FAM174C: variants seen among roughly 807,000 people sequenced by gnomAD.
FAM174C encodes family with sequence similarity 174 member C.
FAM174C carries 19 observed loss-of-function variants against 12.3 expected under a neutral mutation model. The observed-to-expected ratio is 1.55, with a 90% CI of 1.08 to 2.27. The LOEUF (loss-of-function observed/expected upper bound fraction) is 2.27. Among genes scored for constraint, FAM174C ranks in the 30% most tolerant of loss-of-function variants. The pLI is 0.00. For synonymous variants in FAM174C, 147 were observed against 103.5 expected (o/e 1.42, Z -2.55); for missense variants, 239 against 190.2 (o/e 1.26, Z -1.51).
At position 1,277,159 on chromosome 19, in the gene FAM174C, G is replaced by C. The variant is rs1158921319; in HGVS notation, c.282-24G>C. The C allele has an allele frequency of 2.0e-6, 3 of 1,526,796 alleles. No homozygotes were observed. The African/African-American group carries it at 4.1e-5, about 21-fold the overall frequency. The allele number at this position is 1,526,796 out of a possible 1,614,324, so 94.6% of individuals were successfully genotyped here. A position where few individuals can be genotyped will look rare whatever the true frequency, so the allele number is the denominator to read the frequency against. On this transcript the variant is annotated intron_variant, in intron 1 of 2. Transcript: ENST00000409293. ...GCAGGGTTGGCGGGGAGGGGCCACT[G>C]ACTATGCCTGGACCTACTTCCAGGT...
At chr19:1,276,997 C>T (rs1003366290) in intron 1 of FAM174C, 186 bp from the exon 2 acceptor site, 2 of 930,252 alleles carry the variant, frequency 2.1e-6, no homozygotes, top group Non-Finnish European at 3.0e-6. Context: ...TTCTTACTGT[C>T]ATCGCCATGG....
In FAM174C at chr19:1,278,865, C is replaced by T. The variant is rs1376747044; in HGVS notation, c.*88C>T. On this transcript the variant is annotated 3_prime_UTR_variant, in exon 3 of 3. Transcript: ENST00000409293. ...CCCAGTGCCCAGCAACCCCCTGCTC[C>T]ACCGCTCATTCCCCTGCTGGCCCCG... 4 of 1,612,946 alleles carry T rather than the reference C, an allele frequency of 2.5e-6. No individual in the cohort carries two copies. Among genetic ancestry groups the T allele is most frequent in the South Asian group, 1.1e-5 (1 of 91,086 alleles).
At chr19:1,278,646 G>C in intron 2 of FAM174C, 131 bp from the exon 3 acceptor site, 1 of 1,499,604 alleles carries the variant, frequency 6.7e-7, no homozygotes, top group Non-Finnish European at 8.9e-7. Context: ...GAGGCCAGTG[G>C]GGGGAGGCTG....
chr19:1,279,209 A>G lies in FAM174C; in HGVS notation c.*432A>G. 1 of 1,608,270 alleles carries G rather than the reference A, an allele frequency of 6.2e-7. No homozygotes were observed. The highest frequency in any genetic ancestry group is 8.5e-7 in the Non-Finnish European group (1 of 1,177,260). On this transcript the variant is annotated 3_prime_UTR_variant, in exon 3 of 3. Transcript: ENST00000409293. ...CCTTCTCGCCGGGCTGGGAACAATA[A>G]ATGCAGCCATGTCTCTGCAGCTGGT... is the stretch of plus-strand genomic sequence containing the variant.
chr19:1,277,395 C>A, intron 2 of FAM174C, 96 bp downstream of exon 2: 1 of 1,465,796 alleles, frequency 6.8e-7, no homozygotes, highest in East Asian at 2.6e-5. Context: ...GGAGTGGTCC[C>A]TGCAATCACA....
Position 1,275,632 on chromosome 19 carries a change from A to G in FAM174C, c.83A>G (p.Glu28Gly). ...GCGGCGCTGCCGTGCGGTGCCGAAG[A>G]GGCCTCGCCGCTGCGCCCCGCGCAG... Reference protein sequence around the residue: ...LLAALPCGAEEASPLRPAQVT... With the variant: ...LLAALPCGAEGASPLRPAQVT... The change falls in exon 1 of 3, where the codon GAG (glutamate) becomes GGG (glycine). Residue 28 changes from glutamate (E) to glycine (G), a missense_variant. Coordinates refer to ENST00000409293, the MANE Select transcript of FAM174C (RefSeq NM_017914.4). The G allele has an allele frequency of 7.3e-7, 1 of 1,363,754 alleles. No homozygotes were observed. The highest frequency in any genetic ancestry group is 9.4e-7 in the Non-Finnish European group (1 of 1,067,928). The allele number at this position is 1,363,754 out of a possible 1,614,324, so 84.5% of individuals were successfully genotyped here.
intron 1 of FAM174C, 122 bp from the exon 2 acceptor site, chr19:1,277,061 A>C: frequency 7.2e-7 from 1 of 1,387,820 alleles, no homozygotes; most frequent in East Asian, 2.6e-5. Context: ...GGCACAGCAA[A>C]ACCAGGGAGG....
intron 1 of FAM174C, chr19:1,276,055 G>T (rs973691532): frequency 1.7e-5 from 9 of 532,058 alleles, no homozygotes; most frequent in African/African-American, 4.1e-5. Context: ...GGTTGGAGGT[G>T]CCCAGCGCGC....
chr19:1,278,878 C>T lies in FAM174C; in HGVS notation c.*101C>T. The T allele has an allele frequency of 6.2e-7, 1 of 1,613,102 alleles. No individual in the cohort carries two copies. Among genetic ancestry groups the T allele is most frequent in the African/African-American group, 1.3e-5 (1 of 75,050 alleles). ...AACCCCCTGCTCCACCGCTCATTCCCCTGCTGGCCCCGGGGCTGGTCTCAC... is the reference window on the plus strand; with the variant it reads ...AACCCCCTGCTCCACCGCTCATTCCTCTGCTGGCCCCGGGGCTGGTCTCAC... On this transcript the variant is annotated 3_prime_UTR_variant, in exon 3 of 3. Transcript: ENST00000409293.
chr19:1,275,647 GCCCC>G lies in FAM174C; in HGVS notation c.99_102del (p.Pro34ArgfsTer11). 7.1e-7 allele frequency: 1 copy of G among 1,399,864 alleles called. No individual in the cohort carries two copies. Among genetic ancestry groups the G allele is most frequent in the Non-Finnish European group, 9.2e-7 (1 of 1,090,218 alleles). 86.7% of individuals were successfully genotyped at this position (1,399,864 alleles called of 1,614,324 possible). A position where few individuals can be genotyped will look rare whatever the true frequency, so the allele number is the denominator to read the frequency against. ...GGTGCCGAAGAGGCCTCGCCGCTGCGCCCCGCGCAGGTCACGTTGTCGCCGCCGC... is the reference window on the plus strand; with the variant it reads ...GGTGCCGAAGAGGCCTCGCCGCTGCGGCGCAGGTCACGTTGTCGCCGCCGC... On this transcript the variant is annotated frameshift_variant, in exon 1 of 3. Coordinates refer to ENST00000409293, the MANE Select transcript of FAM174C (RefSeq NM_017914.4). LOFTEE classifies it high-confidence loss of function.
At chr19:1,277,451 C>T (rs1243443144) in intron 2 of FAM174C, among the ~76,000 whole-genome samples, 152 bp downstream of exon 2, 4 of 152,162 alleles carry the variant, frequency 2.6e-5, no homozygotes, top group Non-Finnish European at 5.9e-5. Context: ...CAGGGCTCAT[C>T]CCTTCTCCCA....
chr19:1,275,713 A>C lies in FAM174C; in HGVS notation c.164A>C (p.His55Pro), dbSNP rs1453518794. 6.6e-7 allele frequency: 1 copy of C among 1,514,998 alleles called. No homozygotes were observed. Among genetic ancestry groups the C allele is most frequent in the Non-Finnish European group, 8.8e-7 (1 of 1,137,508 alleles). The allele number at this position is 1,514,998 out of a possible 1,614,324, so 93.8% of individuals were successfully genotyped here. The change falls in exon 1 of 3, where the codon CAC becomes CCC. Residue 55 changes from histidine (H) to proline (P), a missense_variant. Physicochemically the swap from His to Pro is moderately conservative, Grantham distance 77. Coordinates refer to ENST00000409293, the MANE Select transcript of FAM174C (RefSeq NM_017914.4). ...VTNGSQPGAP[H>P]NSTHTRPPGA... ...AACGGGAGCCAGCCGGGCGCGCCAC[A>C]CAACAGCACGCACACGCGTCCGCCG...
rs1045554941 is a variant in FAM174C, at chr19:1,275,726, C to G, written c.177C>G (p.His59Gln). The part of the protein sequence containing the change: ...SQPGAPHNST[H>Q]TRPPGASGSA... ...CGGGCGCGCCACACAACAGCACGCA[C>G]ACGCGTCCGCCGGGGGCGTCGGGCT... is the stretch of plus-strand genomic sequence containing the variant. Residue 59 changes from histidine (H) to glutamine (Q), a missense_variant, in exon 1 of 3, where the codon CAC (histidine) becomes CAG (glutamine). Coordinates refer to ENST00000409293, the MANE Select transcript of FAM174C (RefSeq NM_017914.4). 1 of 1,533,296 alleles carries G rather than the reference C, an allele frequency of 6.5e-7. No homozygotes were observed. Among genetic ancestry groups the G allele is most frequent in the Non-Finnish European group, 8.7e-7 (1 of 1,144,078 alleles). The allele number at this position is 1,533,296 out of a possible 1,614,324, so 95.0% of individuals were successfully genotyped here.
intron 2 of FAM174C, among the ~76,000 whole-genome samples, chr19:1,277,627 C>T (rs1049862886): frequency 1.3e-5 from 2 of 152,136 alleles, no homozygotes; most frequent in South Asian, 4.1e-4. Flanking sequence ...CCCGCCACCA[C>T]GCCTCGCTAA....
chr19:1,277,089 G>T lies in FAM174C; in HGVS notation c.282-94G>T, dbSNP rs910738562. On this transcript the variant is annotated intron_variant, in intron 1 of 2. Transcript: ENST00000409293. ...CAGGGAGGTCTGCAGCAGGGCTCGG[G>T]GCTCCAGTAGAGGACGGCAATGAGA... The T allele has an allele frequency of 2.1e-6, 3 of 1,454,312 alleles. No individual in the cohort carries two copies. The African/African-American group carries it at 4.2e-5, about 21-fold the overall frequency. 90.1% of individuals were successfully genotyped at this position (1,454,312 alleles called of 1,614,324 possible).
Position 1,278,795 on chromosome 19 carries a change from G to A in FAM174C, c.*18G>A, listed in dbSNP as rs372782861. On this transcript the variant is annotated 3_prime_UTR_variant, in exon 3 of 3. Coordinates refer to ENST00000409293, the MANE Select transcript of FAM174C (RefSeq NM_017914.4). ...CTTTCAGATGCTGAGCCAGGGAGGC[G>A]GCCCTTCCAGCAGCCATGAGGGAAG... The A allele has an allele frequency of 1.9e-4, 302 of 1,612,688 alleles. No individual in the cohort carries two copies. The highest frequency in any genetic ancestry group is 2.4e-4 in the Non-Finnish European group (279 of 1,179,842).
Position 1,275,837 on chromosome 19 carries a change from C to A in FAM174C, c.281+7C>A. ...TCCTGATCCGGGCGTTTAGGTGCGT[C>A]AGGCGCACGTGGGCGCCGTCTCTCA... On this transcript the variant is annotated splice_region_variant and intron_variant, in intron 1 of 2. Coordinates refer to ENST00000409293, the MANE Select transcript of FAM174C (RefSeq NM_017914.4). 1 of 1,535,634 alleles carries A rather than the reference C, an allele frequency of 6.5e-7. No homozygotes were observed. Among genetic ancestry groups the A allele is most frequent in the South Asian group, 1.2e-5 (1 of 84,028 alleles).
At chr19:1,277,146 G>C in intron 1 of FAM174C, 37 bp from the exon 2 acceptor site, 1 of 1,514,808 alleles carries the variant, frequency 6.6e-7, no homozygotes. Context: ...AGGGTTGGCG[G>C]GGAGGGGCCA....
intron 2 of FAM174C, among the ~76,000 whole-genome samples, 163 bp downstream of exon 2, chr19:1,277,462 G>C (rs901129641): frequency 6.6e-6 from 1 of 152,102 alleles, no homozygotes; most frequent in Admixed American, 6.5e-5. Context: ...CCTTCTCCCA[G>C]CCTCCATTTA....
Sources: allele counts gnomAD v4.1 joint callset (sites outside exome capture counted in the v4.1 genomes callset), GRCh38; gene constraint gnomAD v4.1.1; transcripts MANE v1.5; gene names NCBI Gene and HGNC (gene_info 2026-07-23, HGNC 2026-07-21).